Variants in INTS4 observed in about 807,000 individuals in gnomAD.
The protein encoded by INTS4 is MSTP093.
Under a neutral mutation model 119.5 loss-of-function variants are expected in INTS4, and 70 were observed. That is an observed-to-expected ratio of 0.59 (90% CI 0.48 to 0.71). The LOEUF is 0.71. Ranked by LOEUF, INTS4 falls within the 30% of genes least tolerant of loss-of-function variation. INTS4 has a pLI of 0.00. For missense variants in INTS4, 867 were observed against 1,173.2 expected, an observed-to-expected ratio of 0.74 and a Z score of 3.81; for synonymous variants, 316 against 419.6, an observed-to-expected ratio of 0.75 and a Z score of 3.02.
At position 77,937,250 on chromosome 11, in the gene INTS4, C is replaced by G. The variant is rs540232610; in HGVS notation, c.1165+1401G>C. 1.4e-4 allele frequency among the ~76,000 whole-genome samples: 21 copies of G among 152,056 alleles called. No individual in the cohort carries two copies. The South Asian group carries it at 4.2e-3, about 30-fold the overall frequency. ...CAACTGTGATGAAAACTATTTGATT[C>G]AAGAAGCTCAACAAACTCCAAACAA... On this transcript the variant is annotated intron_variant, in intron 10 of 22. Transcript: ENST00000534064.
chr11:77,994,191 G>C (rs772559117), intron 1 of INTS4, among the ~76,000 whole-genome samples: 1 of 151,928 alleles, frequency 6.6e-6, no homozygotes, highest in East Asian at 1.9e-4. Context: ...TTTGGAACGG[G>C]GGTGCGGGGA....
chr11:77,960,000 CA>C (rs1555037929), intron 6 of INTS4, among the ~76,000 whole-genome samples: 1 of 152,050 alleles, frequency 6.6e-6, no homozygotes, highest in Non-Finnish European at 1.5e-5. Context: ...GTGTGGTGCC[CA>C]GAAATGAGTT....
intron 21 of INTS4, chr11:77,884,981 A>C: frequency 5.3e-6 from 1 of 190,074 alleles, no homozygotes; most frequent in Non-Finnish European, 1.2e-5. Flanking sequence ...GCTAGTCTCC[A>C]ACTCTTGACC....
intron 10 of INTS4, 89 bp downstream of exon 10, chr11:77,938,562 T>G: frequency 6.6e-7 from 1 of 1,506,450 alleles, no homozygotes; most frequent in East Asian, 2.3e-5. Flanking sequence ...GAGGACTAAA[T>G]GAAACGATAC....
At chr11:77,911,086 G>C (rs528507110) in intron 15 of INTS4, 37 of 1,286,474 alleles carry the variant, frequency 2.9e-5, no homozygotes, top group Non-Finnish European at 3.6e-5. Flanking sequence ...CCCATCTCAT[G>C]CTCGGCAGGT....
chr11:77,893,349 T>C (rs1952359270), intron 19 of INTS4, among the ~76,000 whole-genome samples: 1 of 152,204 alleles, frequency 6.6e-6, no homozygotes, highest in South Asian at 2.1e-4. Flanking sequence ...TTCACACCTG[T>C]AATCCCAATA....
intron 11 of INTS4, among the ~76,000 whole-genome samples, chr11:77,926,911 T>C (rs1402578737): frequency 1.3e-5 from 2 of 151,128 alleles, no homozygotes; most frequent in South Asian, 2.1e-4. Flanking sequence ...TCTTATGAAA[T>C]AGAGAATTAC....
At chr11:77,878,261 C>T (rs574146873), downstream of INTS4, among the ~76,000 whole-genome samples, 3 of 151,828 alleles carry the variant, frequency 2.0e-5, no homozygotes, top group Admixed American at 2.0e-4. Flanking sequence ...ACTCAGGAGG[C>T]TGAGGCAGGA....
chr11:77,878,869 A>G lies in INTS4; in HGVS notation c.*80T>C, dbSNP rs1179160396. ...CTCCTTAAGCCTACACATCAATTCC[A>G]GGTGAAGTGCTTCAGGCTTGGCTCA... On this transcript the variant is annotated 3_prime_UTR_variant, in exon 23 of 23. Transcript: ENST00000534064. The G allele has an allele frequency of 4.0e-6, 4 of 994,302 alleles. No homozygotes were observed. Among genetic ancestry groups the G allele is most frequent in the African/African-American group, 1.6e-5 (1 of 62,768 alleles). The allele number at this position is 994,302 out of a possible 1,614,324, so 61.6% of individuals were successfully genotyped here. A position where few individuals can be genotyped will look rare whatever the true frequency, so the allele number is the denominator to read the frequency against.
At chr11:77,951,938 G>A (rs1954206939) in intron 8 of INTS4, among the ~76,000 whole-genome samples, 1 of 152,136 alleles carries the variant, frequency 6.6e-6, no homozygotes, top group South Asian at 2.1e-4. Context: ...GGCCATCAGA[G>A]AAATGCAAAT....
chr11:77,955,871 A>G, intron 8 of INTS4, 71 bp downstream of exon 8: 1 of 1,446,402 alleles, frequency 6.9e-7, no homozygotes, highest in Non-Finnish European at 9.5e-7. Context: ...TGGGCCACAC[A>G]GTCCTCATTT....
chr11:77,974,803 G>A (rs944482589), intron 4 of INTS4, among the ~76,000 whole-genome samples: 2 of 151,942 alleles, frequency 1.3e-5, no homozygotes, highest in African/African-American at 2.4e-5. Flanking sequence ...GTCTTCCTAT[G>A]TGACCCAGGC....
At chr11:77,917,195 T>C (rs1953223376) in intron 15 of INTS4, among the ~76,000 whole-genome samples, 1 of 152,200 alleles carries the variant, frequency 6.6e-6, no homozygotes. Flanking sequence ...TCTTAGTGTA[T>C]GGAATGAAAT....
chr11:77,880,468 T>A (rs1274596735), intron 22 of INTS4, among the ~76,000 whole-genome samples: 1 of 152,158 alleles, frequency 6.6e-6, no homozygotes, highest in Non-Finnish European at 1.5e-5. Flanking sequence ...CATGACAACA[T>A]GAGGGTCATG....
At chr11:77,897,793 C>T (rs1952596537) in intron 18 of INTS4, among the ~76,000 whole-genome samples, 1 of 151,984 alleles carries the variant, frequency 6.6e-6, no homozygotes. Context: ...GCGTTAGCCA[C>T]CGCACCCAGC....
At chr11:77,880,153 C>G (rs77611459) in intron 22 of INTS4, among the ~76,000 whole-genome samples, 1 of 152,118 alleles carries the variant, frequency 6.6e-6, no homozygotes, top group Non-Finnish European at 1.5e-5. Flanking sequence ...GCAACCAGAG[C>G]AAAAAGTGTA....
intron 4 of INTS4, among the ~76,000 whole-genome samples, chr11:77,973,589 G>A (rs1855819813): frequency 6.6e-6 from 1 of 151,996 alleles, no homozygotes. Flanking sequence ...GGGTCAGGAA[G>A]TTCCATCTAT....
At chr11:77,924,548 C>T in intron 12 of INTS4, 1 of 537,256 alleles carries the variant, frequency 1.9e-6, no homozygotes, top group Non-Finnish European at 3.4e-6. Context: ...GATAGATGCA[C>T]AAATTAGTAA....
intron 4 of INTS4, among the ~76,000 whole-genome samples, chr11:77,966,524 T>A (rs902266630): frequency 5.9e-5 from 9 of 152,190 alleles, no homozygotes; most frequent in African/African-American, 2.2e-4. Flanking sequence ...TGACCACTTC[T>A]CCCAGCATCA....
Sources: gnomAD v4.1 joint callset for allele counts (sites outside exome capture counted in the v4.1 genomes callset) on GRCh38, gnomAD v4.1.1 for gene constraint, MANE v1.5 for transcripts, NCBI Gene and HGNC (gene_info 2026-07-23, HGNC 2026-07-21) for gene names.